The following MYBPC2 variants were observed in gnomAD, a reference collection of about 807,000 sequenced individuals.
MYBPC2 encodes the protein myosin binding protein C2.
A neutral mutation model predicts 137.0 loss-of-function variants in MYBPC2; 122 were observed. That is an observed-to-expected ratio of 0.89 (90% CI 0.77 to 1.03). The LOEUF (loss-of-function observed/expected upper bound fraction) is 1.03, where lower values mean the gene tolerates loss of function less well. MYBPC2 is among the 50% of genes least tolerant of loss of function. The pLI is 0.00. For synonymous variants in MYBPC2, 626 were observed against 612.3 expected, an observed-to-expected ratio of 1.02 and a Z score of -0.33; for missense variants, 1,500 against 1,534.4, an observed-to-expected ratio of 0.98 and a Z score of 0.37.
chr19:50,455,676 G>T, intron 20 of MYBPC2, 32 bp downstream of exon 20: 4 of 1,610,452 alleles, frequency 2.5e-6, no homozygotes, highest in Non-Finnish European at 3.4e-6. Context: ...GGTGGGGGTG[G>T]TGGCTAGCAC....
chr19:50,450,017 T>G (rs1005004269), intron 13 of MYBPC2, among the ~76,000 whole-genome samples: 2 of 151,824 alleles, frequency 1.3e-5, no homozygotes, highest in Non-Finnish European at 2.9e-5. Context: ...ATTAGCTGGG[T>G]GTTGTGTTAC....
chr19:50,458,308 T>TAA (rs375818984), intron 20 of MYBPC2, among the ~76,000 whole-genome samples: 3 of 86,004 alleles, frequency 3.5e-5, no homozygotes, highest in African/African-American at 9.1e-5. Context: ...AGACTCCACC[T>TAA]AAAAAAAAAA....
intron 18 of MYBPC2, 103 bp from the exon 19 acceptor site, chr19:50,455,005 C>T (rs569821876): frequency 1.6e-5 from 18 of 1,094,952 alleles, no homozygotes; most frequent in African/African-American, 1.1e-4. Context: ...GGCCTCGGAC[C>T]GCCCTGGCCA....
chr19:50,460,456 G>A (rs922973730), intron 24 of MYBPC2, among the ~76,000 whole-genome samples: 2 of 152,078 alleles, frequency 1.3e-5, no homozygotes, highest in Admixed American at 6.6e-5. Flanking sequence ...TGCAGCCACC[G>A]CCTCTACCCA....
chr19:50,456,012 C>A (rs1416963268), intron 20 of MYBPC2, among the ~76,000 whole-genome samples: 1 of 151,952 alleles, frequency 6.6e-6, no homozygotes, highest in Admixed American at 6.6e-5. Flanking sequence ...ATCTGTCCAT[C>A]CATCTGTCCA....
rs541034797 is a variant in MYBPC2 at position 50,463,338 on chromosome 19, C to T, written c.3229-1008C>T. On this transcript the variant is annotated intron_variant, in intron 26 of 27. Transcript: ENST00000357701. The stretch of plus-strand genomic sequence containing the variant: ...CTTCTGGTCTGGGCTGTAGGTTATT[C>T]GCTTCAGCCTCCTTAAGGCATACCA... Among the ~76,000 whole-genome samples, 275 of 152,244 alleles carry T rather than the reference C, an allele frequency of 1.8e-3. 3 individuals carry two copies. The highest frequency in any genetic ancestry group is 0.01 in the Middle Eastern group (3 of 294).
rs1382538169 is a variant in MYBPC2, at chr19:50,435,148, C to T, written c.20-13C>T. On this transcript the variant is annotated splice_polypyrimidine_tract_variant and intron_variant, in intron 1 of 27. Transcript: ENST00000357701. The surrounding 1 kb of genome is among the most constrained non-coding windows in gnomAD (Gnocchi z 4.8). Reference sequence around the variant, plus strand: ...GACCGCATGCTCAACTATGACTGTCCCCTACCTTACAGCGGCCAAAAAGGC... The same window carrying T: ...GACCGCATGCTCAACTATGACTGTCTCCTACCTTACAGCGGCCAAAAAGGC... 8.0e-7 allele frequency: 1 copy of T among 1,251,836 alleles called. No individual in the cohort carries two copies. 77.5% of individuals were successfully genotyped at this position (1,251,836 alleles called of 1,614,324 possible). A position where few individuals can be genotyped will look rare whatever the true frequency, so the allele number is the denominator to read the frequency against.
At chr19:50,437,121 T>C (rs2039710920) in intron 5 of MYBPC2, among the ~76,000 whole-genome samples, 2 of 151,900 alleles carry the variant, frequency 1.3e-5, no homozygotes, top group Admixed American at 6.6e-5. Flanking sequence ...TGAGGGCACA[T>C]ATATGGGCCC....
intron 8 of MYBPC2, among the ~76,000 whole-genome samples, 187 bp from the exon 9 acceptor site, chr19:50,441,994 G>A (rs2039760312): frequency 6.6e-6 from 1 of 152,056 alleles, no homozygotes; most frequent in Non-Finnish European, 1.5e-5. Flanking sequence ...CCCACTTTGG[G>A]GTCCCCTGCC....
intron 12 of MYBPC2, 26 bp downstream of exon 12, chr19:50,446,078 G>C: frequency 6.2e-7 from 1 of 1,606,418 alleles, no homozygotes; most frequent in Non-Finnish European, 8.5e-7. Flanking sequence ...GTAGGGCACG[G>C]GCTGCACTGC....
intron 1 of MYBPC2, among the ~76,000 whole-genome samples, chr19:50,433,264 G>T (rs1479426420): frequency 2.0e-5 from 3 of 151,864 alleles, no homozygotes; most frequent in African/African-American, 7.3e-5. Flanking sequence ...AGCAGGGAGG[G>T]TGTTTCTTTT....
rs909280196 is a variant in MYBPC2, at chr19:50,443,556, A to G, written c.965A>G (p.Asp322Gly). The G allele has an allele frequency of 2.9e-5, 47 of 1,612,950 alleles. No homozygotes were observed. Among genetic ancestry groups the G allele is most frequent in the Admixed American group, 1.2e-4 (7 of 59,802 alleles). ...ILTINKCTLA[D>G]DAAYEVAVKD... ...ACCATCAACAAGTGCACGCTGGCGG[A>G]TGACGCTGCCTATGAAGTAGCTGTC... The change falls in exon 10 of 28, where the codon GAT becomes GGT. Residue 322 changes from aspartate (D) to glycine (G), a missense_variant. By Grantham distance (94) the Asp-to-Gly change is moderately conservative. Coordinates refer to ENST00000357701, the MANE Select transcript of MYBPC2 (RefSeq NM_004533.4).
Position 50,466,198 on chromosome 19 carries a change from C to G in MYBPC2, c.3419C>G (p.Pro1140Arg). The G allele has an allele frequency of 1.2e-6, 2 of 1,613,856 alleles. No homozygotes were observed. The highest frequency in any genetic ancestry group is 8.5e-7 in the Non-Finnish European group (1 of 1,179,850). Reference protein sequence around the residue: ...LAECKLEVRVPQ With the variant: ...LAECKLEVRVRQ Reference sequence around the variant, plus strand: ...CCGCTTTCTCGTTTTCCTGCAGTGCCGCAGTGAGACCTGTCCCCTACCTGC... The same window carrying G: ...CCGCTTTCTCGTTTTCCTGCAGTGCGGCAGTGAGACCTGTCCCCTACCTGC... Residue 1140 changes from proline to arginine, a missense_variant, in exon 28 of 28, where the codon CCG (proline) becomes CGG (arginine). Pro to Arg is a moderately radical substitution (Grantham distance 103). Transcript: ENST00000357701. This position sits in a 1 kb window ranked among gnomAD's most constrained non-coding sequence, Gnocchi z 4.9.
chr19:50,442,208 A>T lies in MYBPC2; in HGVS notation c.797A>T (p.Tyr266Phe). The change falls in exon 9 of 28, where the codon TAC (tyrosine) becomes TTC (phenylalanine). Residue 266 changes from tyrosine to phenylalanine, a missense_variant. Physicochemically the swap from Tyr to Phe is conservative, Grantham distance 22. Transcript: ENST00000357701. Reference protein sequence around the residue: ...AAFTKKLDPAYQVDRGNKIKL... With the variant: ...AAFTKKLDPAFQVDRGNKIKL... ...TTCACAAAGAAGCTGGATCCAGCCTACCAAGTGGACAGAGGCAACAAGATC... is the reference window on the plus strand; with the variant it reads ...TTCACAAAGAAGCTGGATCCAGCCTTCCAAGTGGACAGAGGCAACAAGATC... The T allele has an allele frequency of 6.3e-7, 1 of 1,599,438 alleles. No individual in the cohort carries two copies. Among genetic ancestry groups the T allele is most frequent in the Non-Finnish European group, 8.5e-7 (1 of 1,173,098 alleles).
intron 20 of MYBPC2, among the ~76,000 whole-genome samples, chr19:50,455,994 ATCCATCCATCTG>A (rs1485676806): frequency 1.3e-5 from 2 of 152,062 alleles, no homozygotes; most frequent in African/African-American, 2.4e-5. Context: ...ACATCCACCC[ATCCATCCATCTG>A]TCCATCCATC....
intron 20 of MYBPC2, among the ~76,000 whole-genome samples, chr19:50,455,963 A>G (rs1371517857): frequency 6.6e-6 from 1 of 151,752 alleles, no homozygotes; most frequent in Admixed American, 6.6e-5. Context: ...CATCTAACCA[A>G]TCTTTCCTTC....
intron 23 of MYBPC2, 72 bp from the exon 24 acceptor site, chr19:50,459,968 G>A: frequency 1.3e-6 from 2 of 1,536,732 alleles, no homozygotes; most frequent in Non-Finnish European, 1.8e-6. Flanking sequence ...AGGGGGTGTG[G>A]AGAGGGGAGG....
chr19:50,440,391 T>C (rs974428324), intron 7 of MYBPC2, among the ~76,000 whole-genome samples: 11 of 151,514 alleles, frequency 7.3e-5, no homozygotes, highest in Non-Finnish European at 1.0e-4. Context: ...GGACCAGGCA[T>C]GGTGGCTCAC....
In MYBPC2 at chr19:50,448,311, G is replaced by A. The variant is rs1199891898; in HGVS notation, c.1393G>A (p.Glu465Lys). 1.9e-6 allele frequency: 3 copies of A among 1,613,826 alleles called. No individual in the cohort carries two copies. The highest frequency in any genetic ancestry group is 1.3e-5 in the African/African-American group (1 of 74,938). The change falls in exon 13 of 28, where the codon GAG becomes AAG. Residue 465 changes from glutamate (E) to lysine (K), a missense_variant. Physicochemically the swap from Glu to Lys is moderately conservative, Grantham distance 56. Transcript: ENST00000357701. ...QAVFKCEVSD[E>K]KVTGKWYKNG... ...TGTGTTCAAGTGCGAGGTGTCTGAT[G>A]AGAAAGTGACGGGCAAGTGGTATAA...
Sources: allele counts gnomAD v4.1 joint callset (sites outside exome capture counted in the v4.1 genomes callset), GRCh38; gene constraint gnomAD v4.1.1; non-coding constraint Gnocchi (gnomAD v3.1); transcripts MANE v1.5; gene names NCBI Gene and HGNC (gene_info 2026-07-23, HGNC 2026-07-21).